The following HPSE2 variants were observed in gnomAD, a reference collection of about 807,000 sequenced individuals.
HPSE2 encodes the protein inactive heparanase-2.
In HPSE2, 38 loss-of-function variants were observed where a neutral mutation model predicts 60.5. That is an observed-to-expected ratio of 0.63 (90% CI 0.48 to 0.82). The LOEUF is 0.82. Ranked by LOEUF, HPSE2 falls within the 40% of genes least tolerant of loss-of-function variation. HPSE2 has a pLI of 0.00. For missense variants in HPSE2, 713 were observed against 740.4 expected, an observed-to-expected ratio of 0.96 and a Z score of 0.43; for synonymous variants, 295 against 293.2, an observed-to-expected ratio of 1.01 and a Z score of -0.06.
At chr10:98,705,031 A>C (rs1335384228) in intron 5 of HPSE2, among the ~76,000 whole-genome samples, 2 of 152,256 alleles carry the variant, frequency 1.3e-5, no homozygotes. Flanking sequence ...TCTAATATCC[A>C]GAATCTACAA....
At chr10:99,134,168 G>GA (rs1190696534) in intron 3 of HPSE2, among the ~76,000 whole-genome samples, 4 of 152,082 alleles carry the variant, frequency 2.6e-5, no homozygotes, top group Non-Finnish European at 5.9e-5. Context: ...CAAGATTAGA[G>GA]AAAAAAGAAT....
intron 2 of HPSE2, among the ~76,000 whole-genome samples, chr10:99,189,907 C>T (rs750593139): frequency 7.9e-5 from 12 of 152,120 alleles, no homozygotes; most frequent in Non-Finnish European, 1.3e-4. Flanking sequence ...GTTCTTTAGT[C>T]AGAGAGGGCC....
intron 3 of HPSE2, among the ~76,000 whole-genome samples, chr10:99,082,195 GAGA>G (rs1454865001): frequency 1.3e-5 from 2 of 152,118 alleles, no homozygotes; most frequent in Non-Finnish European, 2.9e-5. Context: ...CCGCGTCAAT[GAGA>G]AGAAAACTTC....
chr10:98,602,006 T>C (rs1337782039), intron 9 of HPSE2, among the ~76,000 whole-genome samples: 1 of 152,134 alleles, frequency 6.6e-6, no homozygotes, highest in East Asian at 1.9e-4. Flanking sequence ...TGACATGACT[T>C]TCTGAAAGAG....
chr10:98,634,244 C>A (rs1013510637), intron 7 of HPSE2, among the ~76,000 whole-genome samples: 4 of 152,186 alleles, frequency 2.6e-5, no homozygotes, highest in Non-Finnish European at 5.9e-5. Context: ...ACCTGCCCCT[C>A]GCTTTGTGCA....
intron 3 of HPSE2, among the ~76,000 whole-genome samples, chr10:98,835,054 C>T (rs1023426877): frequency 6.6e-6 from 1 of 151,798 alleles, no homozygotes; most frequent in Non-Finnish European, 1.5e-5. Context: ...ATGCTTTTGG[C>T]GGGGGAAGGG....
At chr10:99,296,730 G>A in the HPSE2 span, among the ~76,000 whole-genome samples, 2 of 152,178 alleles carry the variant, frequency 1.3e-5, no homozygotes, top group African/African-American at 4.8e-5. Context: ...GAAAGAAGAT[G>A]GCTTCATGAG....
At chr10:98,653,636 A>G (rs921686191) in intron 6 of HPSE2, among the ~76,000 whole-genome samples, 5 of 151,980 alleles carry the variant, frequency 3.3e-5, no homozygotes, top group Non-Finnish European at 7.4e-5. Context: ...AGAGTATCCT[A>G]AATTTATCCC....
chr10:98,914,819 G>A (rs1415354055), intron 3 of HPSE2, among the ~76,000 whole-genome samples: 1 of 151,616 alleles, frequency 6.6e-6, no homozygotes. Context: ...AGGGCAAAGG[G>A]AAAATAGAAG....
At chr10:98,753,975 C>A (rs552995910) in intron 3 of HPSE2, among the ~76,000 whole-genome samples, 31 of 152,168 alleles carry the variant, frequency 2.0e-4, no homozygotes, top group African/African-American at 7.2e-4. Flanking sequence ...AATGACCACA[C>A]TAGCTTCCCA....
At chr10:99,058,697 A>G (rs1958168090) in intron 3 of HPSE2, among the ~76,000 whole-genome samples, 1 of 152,234 alleles carries the variant, frequency 6.6e-6, no homozygotes, top group South Asian at 2.1e-4. Context: ...AAGAGCAACC[A>G]GTAACTGTCA....
Position 98,618,639 on chromosome 10 carries a change from C to A in HPSE2, c.1205+1963G>T, listed in dbSNP as rs542269000. On this transcript the variant is annotated intron_variant, in intron 8 of 11. Coordinates refer to ENST00000370552, the MANE Select transcript of HPSE2 (RefSeq NM_021828.5). The stretch of plus-strand genomic sequence containing the variant: ...TTGCTCTGTTGCCCAGGCTGGAATG[C>A]GGTCTCAGCTCACTGCAACCTCTGC... Among the ~76,000 whole-genome samples the A allele has an allele frequency of 8.5e-5, 13 of 152,224 alleles. No homozygotes were observed. The South Asian group carries it at 2.7e-3, about 32-fold the overall frequency.
intron 3 of HPSE2, among the ~76,000 whole-genome samples, chr10:98,941,040 A>G (rs1461963446): frequency 1.5e-5 from 2 of 134,410 alleles, no homozygotes; most frequent in Non-Finnish European, 3.0e-5. Flanking sequence ...ACAACCCTTC[A>G]TGCTAAAACT....
intron 7 of HPSE2, among the ~76,000 whole-genome samples, chr10:98,623,840 A>T (rs181833200): frequency 1.3e-5 from 2 of 149,690 alleles, no homozygotes; most frequent in African/African-American, 5.1e-5. Context: ...AAGTATGGGA[A>T]ATGAAAAAAA....
At chr10:98,732,384 C>G (rs1949248664) in intron 4 of HPSE2, among the ~76,000 whole-genome samples, 1 of 152,086 alleles carries the variant, frequency 6.6e-6, no homozygotes, top group African/African-American at 2.4e-5. Context: ...TTCTAGCACT[C>G]TTTGTAAAGC....
intron 3 of HPSE2, among the ~76,000 whole-genome samples, chr10:98,906,427 G>C (rs1953818230): frequency 6.6e-6 from 1 of 152,108 alleles, no homozygotes; most frequent in South Asian, 2.1e-4. Context: ...GCTTGGTATG[G>C]TGATCAACTA....
intron 3 of HPSE2, among the ~76,000 whole-genome samples, chr10:98,809,292 G>C (rs1170143287): frequency 1.3e-5 from 2 of 151,984 alleles, no homozygotes; most frequent in African/African-American, 2.4e-5. Context: ...TCAGTGATGG[G>C]TTCATTATAT....
intron 9 of HPSE2, among the ~76,000 whole-genome samples, chr10:98,560,054 T>C (rs1261365609): frequency 6.6e-6 from 1 of 152,116 alleles, no homozygotes; most frequent in African/African-American, 2.4e-5. Context: ...ACTACAGACT[T>C]TACTGTATAG....
chr10:99,007,155 G>A (rs1050684409), intron 3 of HPSE2, among the ~76,000 whole-genome samples: 20 of 152,176 alleles, frequency 1.3e-4, no homozygotes, highest in African/African-American at 4.8e-4. Flanking sequence ...GTAGCACATA[G>A]AACAAGTCCT....
Sources: allele counts gnomAD v4.1 joint callset (sites outside exome capture counted in the v4.1 genomes callset), GRCh38; gene constraint gnomAD v4.1.1; transcripts MANE v1.5; gene names NCBI Gene and HGNC (gene_info 2026-07-23, HGNC 2026-07-21).